ITSN1: variants seen among roughly 807,000 people sequenced by gnomAD.
ITSN1 encodes intersectin-1.
In ITSN1, 58 loss-of-function variants were observed where a neutral mutation model predicts 239.8. The ratio of observed to expected loss-of-function variants is 0.24; its 90% confidence interval spans 0.20 to 0.30. ITSN1 has a LOEUF of 0.30. Among genes scored for constraint, ITSN1 ranks in the 10% least tolerant of loss-of-function variants. The pLI is 1.00. For synonymous variants in ITSN1, 780 were observed against 770.8 expected (o/e 1.01, Z -0.20); for missense variants, 1,558 against 2,103.3 (o/e 0.74, Z 5.07).
At chr21:33,770,060 T>A (rs1229661200) in intron 11 of ITSN1, among the ~76,000 whole-genome samples, 3 of 151,126 alleles carry the variant, frequency 2.0e-5, no homozygotes, top group African/African-American at 7.3e-5. Flanking sequence ...CGGCTAATTT[T>A]TTTTGTTTTA....
chr21:33,769,182 A>G (rs1054575357), intron 11 of ITSN1, among the ~76,000 whole-genome samples: 5 of 152,250 alleles, frequency 3.3e-5, no homozygotes, highest in Admixed American at 2.0e-4. Context: ...TGAAATTTCA[A>G]TGGCAGATAA....
At chr21:33,746,265 A>G (rs543267211) in intron 5 of ITSN1, among the ~76,000 whole-genome samples, 110 of 152,316 alleles carry the variant, frequency 7.2e-4, no homozygotes, top group African/African-American at 2.6e-3. Flanking sequence ...ACAATGTATT[A>G]TCTGAATGTC....
chr21:33,674,452 T>C (rs2090478804), intron 1 of ITSN1, among the ~76,000 whole-genome samples: 1 of 152,176 alleles, frequency 6.6e-6, no homozygotes, highest in Non-Finnish European at 1.5e-5. Context: ...TCCCCATTAA[T>C]GCTGGTGCTG....
chr21:33,865,090 G>A lies in ITSN1; in HGVS notation c.3891-61G>A, dbSNP rs970507231. On this transcript the variant is annotated intron_variant, in intron 31 of 39. Transcript: ENST00000381318. The surrounding 1 kb of genome is among the most constrained non-coding windows in gnomAD (Gnocchi z 4.4). The stretch of plus-strand genomic sequence containing the variant: ...CATTCTGTTTCTGTGCAACCTAAGT[G>A]TGCTGTGGTGCTGTCAGATAGCGTG... The A allele has an allele frequency of 3.4e-5, 52 of 1,522,010 alleles. No individual in the cohort carries two copies. The highest frequency in any genetic ancestry group is 1.3e-5 in the South Asian group (1 of 78,650). 94.3% of individuals were successfully genotyped at this position (1,522,010 alleles called of 1,614,324 possible).
Position 33,797,280 on chromosome 21 carries a change from C to T in ITSN1, c.1953-99C>T. 1.1e-6 allele frequency: 1 copy of T among 916,942 alleles called. No homozygotes were observed. 56.8% of individuals were successfully genotyped at this position (916,942 alleles called of 1,614,324 possible). ...AACAACAATGTTCCCTTGATGTTCC[C>T]ATCCCATTTACTGGATGGAGCTTTT... On this transcript the variant is annotated intron_variant, in intron 17 of 39. Transcript: ENST00000381318. The surrounding 1 kb of genome is among the most constrained non-coding windows in gnomAD (Gnocchi z 4.9).
At chr21:33,667,991 A>AG (rs936082006) in intron 1 of ITSN1, among the ~76,000 whole-genome samples, 10 of 152,224 alleles carry the variant, frequency 6.6e-5, no homozygotes, top group Admixed American at 5.9e-4. Flanking sequence ...GGGCTGCTAT[A>AG]GGGGCCAGAC....
chr21:33,740,811 T>C (rs2066800513), intron 5 of ITSN1, among the ~76,000 whole-genome samples: 2 of 152,188 alleles, frequency 1.3e-5, no homozygotes, highest in African/African-American at 2.4e-5. Context: ...ATGCCTGTAA[T>C]CGCAGCACTT....
chr21:33,727,703 G>A (rs1046586963), intron 4 of ITSN1, among the ~76,000 whole-genome samples: 6 of 150,672 alleles, frequency 4.0e-5, no homozygotes, highest in East Asian at 2.0e-4. Flanking sequence ...AGCTCATGGC[G>A]TTGAACTAAG....
chr21:33,706,327 A>G (rs2039475963), intron 1 of ITSN1, among the ~76,000 whole-genome samples: 1 of 152,182 alleles, frequency 6.6e-6, no homozygotes, highest in Non-Finnish European at 1.5e-5. Flanking sequence ...AATTGATGGC[A>G]TTTTAAAGAA....
intron 1 of ITSN1, among the ~76,000 whole-genome samples, chr21:33,685,589 A>G (rs2091198850): frequency 6.6e-6 from 1 of 151,040 alleles, no homozygotes. Flanking sequence ...CCTAGCCATC[A>G]GTGGGACAAA....
chr21:33,780,552 C>T (rs2070080639), intron 14 of ITSN1, among the ~76,000 whole-genome samples: 1 of 152,154 alleles, frequency 6.6e-6, no homozygotes, highest in South Asian at 2.1e-4. Flanking sequence ...ACATGCATTA[C>T]ACAGAGATTT....
intron 1 of ITSN1, among the ~76,000 whole-genome samples, chr21:33,647,574 C>G (rs1045704233): frequency 6.6e-6 from 1 of 152,120 alleles, no homozygotes; most frequent in Non-Finnish European, 1.5e-5. Context: ...TGGCTCACTG[C>G]AACCTACGCT....
At chr21:33,885,212 C>G (rs975093868) in intron 37 of ITSN1, 89 bp downstream of exon 37, 6 of 1,191,362 alleles carry the variant, frequency 5.0e-6, no homozygotes, top group South Asian at 1.3e-5. Context: ...ATAGAAGAAT[C>G]CCCTGGACCT....
intron 7 of ITSN1, among the ~76,000 whole-genome samples, chr21:33,753,716 C>T (rs1457763852): frequency 2.9e-5 from 4 of 136,858 alleles, no homozygotes; most frequent in Middle Eastern, 8.0e-3. Flanking sequence ...GAGCTGAGAT[C>T]GCGGCATTGC....
chr21:33,800,637 A>G (rs1289577326), intron 19 of ITSN1, among the ~76,000 whole-genome samples: 1 of 152,162 alleles, frequency 6.6e-6, no homozygotes, highest in African/African-American at 2.4e-5. Flanking sequence ...TAATCATTTT[A>G]TGATGTGACT....
At chr21:33,859,902 G>A (rs980116419) in intron 31 of ITSN1, among the ~76,000 whole-genome samples, 1 of 152,190 alleles carries the variant, frequency 6.6e-6, no homozygotes, top group African/African-American at 2.4e-5. Context: ...TGCCGTGGAA[G>A]CCTTTCGAAC....
intron 17 of ITSN1, among the ~76,000 whole-genome samples, chr21:33,795,512 G>A (rs1328627133): frequency 6.6e-6 from 1 of 152,172 alleles, no homozygotes; most frequent in Non-Finnish European, 1.5e-5. Flanking sequence ...TTAGTGGGCT[G>A]AGTTCAGTTA....
chr21:33,757,164 A>G (rs1030947772), intron 8 of ITSN1: 2 of 152,246 alleles, frequency 1.3e-5, no homozygotes, highest in African/African-American at 4.8e-5. Context: ...TTGCCAATGA[A>G]TCCAAAAATA....
chr21:33,845,776 G>A (rs1442578095), intron 29 of ITSN1, among the ~76,000 whole-genome samples: 1 of 152,206 alleles, frequency 6.6e-6, no homozygotes, highest in Non-Finnish European at 1.5e-5. Flanking sequence ...CGTCACGAAA[G>A]TCCAGGCTTT....
Sources: gnomAD v4.1 joint callset for allele counts (sites outside exome capture counted in the v4.1 genomes callset) on GRCh38, gnomAD v4.1.1 for gene constraint, Gnocchi (gnomAD v3.1) non-coding constraint, MANE v1.5 for transcripts, NCBI Gene and HGNC (gene_info 2026-07-23, HGNC 2026-07-21) for gene names.